The following GRB2 variants were observed in gnomAD, a reference collection of about 807,000 sequenced individuals.
GRB2 encodes the protein growth factor receptor-bound protein 2.
A neutral mutation model predicts 27.4 loss-of-function variants in GRB2; 2 were observed. That is an observed-to-expected ratio of 0.07 (90% CI 0.03 to 0.23). GRB2 has a LOEUF of 0.23. GRB2 is among the 10% of genes least tolerant of loss of function. GRB2 has a pLI of 1.00. For synonymous variants in GRB2, 94 were observed against 99.6 expected (o/e 0.94, Z 0.33); for missense variants, 102 against 282.4 (o/e 0.36, Z 4.58).
intron 2 of GRB2, among the ~76,000 whole-genome samples, chr17:75,351,252 T>C (rs893012792): frequency 6.6e-6 from 1 of 152,148 alleles, no homozygotes; most frequent in Non-Finnish European, 1.5e-5. Context: ...TCTCAAAAGA[T>C]TCCCTCTGTA....
intron 1 of GRB2, among the ~76,000 whole-genome samples, chr17:75,397,628 G>A (rs2079036507): frequency 6.6e-6 from 1 of 151,898 alleles, no homozygotes; most frequent in South Asian, 2.1e-4. Context: ...GAATCTTCAT[G>A]GTCTCTAGAG....
In GRB2 at chr17:75,360,448, C is replaced by A. The variant is rs563635503; in HGVS notation, c.79-27651G>T. Among the ~76,000 whole-genome samples the A allele has an allele frequency of 4.8e-4, 73 of 152,258 alleles. 1 individual carries two copies. The South Asian group carries it at 8.1e-3, about 17-fold the overall frequency. On this transcript the variant is annotated intron_variant, in intron 2 of 5. Transcript: ENST00000316804. Reference sequence around the variant, plus strand: ...ATATTCCTATCATAAAGCCTAGTAACTGAAGTCACAAATACAAGCAAGGTA... The same window carrying A: ...ATATTCCTATCATAAAGCCTAGTAAATGAAGTCACAAATACAAGCAAGGTA...
chr17:75,327,643 A>G (rs2078508597), intron 3 of GRB2, among the ~76,000 whole-genome samples: 1 of 152,178 alleles, frequency 6.6e-6, no homozygotes, highest in African/African-American at 2.4e-5. Flanking sequence ...TGCTGGGATT[A>G]AAGTCGCGAG....
intron 2 of GRB2, among the ~76,000 whole-genome samples, chr17:75,362,111 C>A (rs1423027752): frequency 3.3e-5 from 1 of 30,224 alleles, no homozygotes; most frequent in Non-Finnish European, 1.9e-4. Context: ...CCATTCATCA[C>A]CCTCAGGCCC....
chr17:75,377,409 CCATG>C (rs2078901087), intron 2 of GRB2, among the ~76,000 whole-genome samples: 1 of 150,802 alleles, frequency 6.6e-6, no homozygotes, highest in Non-Finnish European at 1.5e-5. Context: ...CTGCTTGAGG[CCATG>C]AGTTCGAGAT....
At chr17:75,376,591 TG>T (rs2078895632) in intron 2 of GRB2, among the ~76,000 whole-genome samples, 1 of 151,758 alleles carries the variant, frequency 6.6e-6, no homozygotes, top group African/African-American at 2.4e-5. Flanking sequence ...ATTTTTAGCC[TG>T]TATAACATAA....
At chr17:75,324,507 GTTTT>G (rs767194304) in intron 4 of GRB2, among the ~76,000 whole-genome samples, 22 of 36,700 alleles carry the variant, frequency 6.0e-4, no homozygotes, top group East Asian at 5.3e-3. Context: ...ACCGCACCCA[GTTTT>G]TTTTTTTTTT....
chr17:75,354,279 G>C (rs1197630744), intron 2 of GRB2, among the ~76,000 whole-genome samples: 1 of 135,620 alleles, frequency 7.4e-6, no homozygotes, highest in Non-Finnish European at 1.6e-5. Context: ...GGGGGGGGGA[G>C]ATGGAGTTTC....
At chr17:75,375,881 C>T (rs531268139) in intron 2 of GRB2, among the ~76,000 whole-genome samples, 2 of 151,774 alleles carry the variant, frequency 1.3e-5, no homozygotes, top group Admixed American at 1.3e-4. Context: ...AAAATTTAGC[C>T]GGGCGTGGTG....
At chr17:75,340,887 C>T (rs1225157588) in intron 2 of GRB2, among the ~76,000 whole-genome samples, 1 of 152,088 alleles carries the variant, frequency 6.6e-6, no homozygotes, top group Admixed American at 6.6e-5. Flanking sequence ...GATGAGATAA[C>T]CAGCAAAGGT....
intron 3 of GRB2, among the ~76,000 whole-genome samples, chr17:75,331,596 T>C (rs570705630): frequency 6.6e-6 from 1 of 152,344 alleles, no homozygotes; most frequent in Non-Finnish European, 1.5e-5. Context: ...CTGAAGTCGA[T>C]GTTGTGTTTG....
At chr17:75,383,074 G>A (rs1390088445) in intron 2 of GRB2, among the ~76,000 whole-genome samples, 1 of 151,818 alleles carries the variant, frequency 6.6e-6, no homozygotes, top group Non-Finnish European at 1.5e-5. Flanking sequence ...TGAGACTAGA[G>A]AGAATGTTTA....
chr17:75,354,151 T>C (rs182149993), intron 2 of GRB2, among the ~76,000 whole-genome samples: 1 of 152,062 alleles, frequency 6.6e-6, no homozygotes, highest in East Asian at 1.9e-4. Flanking sequence ...CGGCTGGGTA[T>C]AGATTTCAAC....
At chr17:75,357,157 C>A (rs2078738892) in intron 2 of GRB2, among the ~76,000 whole-genome samples, 1 of 152,206 alleles carries the variant, frequency 6.6e-6, no homozygotes, top group South Asian at 2.1e-4. Flanking sequence ...CCAGAATTAG[C>A]ATCATTAAAA....
intron 2 of GRB2, among the ~76,000 whole-genome samples, chr17:75,381,783 T>G (rs1440438714): frequency 6.8e-6 from 1 of 147,586 alleles, no homozygotes; most frequent in East Asian, 2.0e-4. Context: ...CATGAAATGA[T>G]CAACACTTCC....
intron 1 of GRB2, among the ~76,000 whole-genome samples, chr17:75,399,524 CGACT>C (rs532407149): frequency 1.5e-3 from 233 of 151,780 alleles, no homozygotes; most frequent in Non-Finnish European, 2.4e-3. Flanking sequence ...CCCACCACCA[CGACT>C]GACTAACTTT....
chr17:75,395,730 C>T (rs770887942), intron 1 of GRB2, among the ~76,000 whole-genome samples: 1 of 152,030 alleles, frequency 6.6e-6, no homozygotes, highest in African/African-American at 2.4e-5. Flanking sequence ...ATTTAGTTTC[C>T]CCCGACCTAT....
chr17:75,345,729 C>T (rs1226118536), intron 2 of GRB2, among the ~76,000 whole-genome samples: 1 of 151,858 alleles, frequency 6.6e-6, no homozygotes, highest in African/African-American at 2.4e-5. Flanking sequence ...AGGGTGGAGG[C>T]GAATGCAGAG....
At chr17:75,321,623 C>G in intron 5 of GRB2, 36 bp downstream of exon 5, 1 of 1,602,934 alleles carries the variant, frequency 6.2e-7, no homozygotes, top group Non-Finnish European at 8.5e-7. Context: ...CTATTCTTAA[C>G]TAAAAATGAT....
Sources: allele counts gnomAD v4.1 joint callset (sites outside exome capture counted in the v4.1 genomes callset), GRCh38; gene constraint gnomAD v4.1.1; transcripts MANE v1.5; gene names NCBI Gene and HGNC (gene_info 2026-07-23, HGNC 2026-07-21).